Variants in CMSS1 observed in about 807,000 individuals in gnomAD.
CMSS1 encodes protein CMSS1.
In CMSS1, 33 loss-of-function variants were observed where a neutral mutation model predicts 43.5. The observed-to-expected ratio is 0.76, with a 90% CI of 0.57 to 1.01. CMSS1 has a LOEUF of 1.01. Ranked by LOEUF, CMSS1 falls within the 50% of genes least tolerant of loss-of-function variation. The probability of loss-of-function intolerance (pLI) is 0.00; values close to 1 mark genes in which losing one functional copy is unlikely to be tolerated. For missense variants in CMSS1, 313 were observed against 326.4 expected, an observed-to-expected ratio of 0.96 and a Z score of 0.32; for synonymous variants, 115 against 117.2, an observed-to-expected ratio of 0.98 and a Z score of 0.12.
chr3:99,871,146 C>T (rs1254118376), intron 1 of CMSS1, among the ~76,000 whole-genome samples: 2 of 152,208 alleles, frequency 1.3e-5, no homozygotes, highest in African/African-American at 2.4e-5. Context: ...CTGAGCCTAA[C>T]TTGGTTTCTA....
chr3:99,911,881 G>C (rs574593006), intron 1 of CMSS1, among the ~76,000 whole-genome samples: 1 of 152,050 alleles, frequency 6.6e-6, no homozygotes, highest in Admixed American at 6.5e-5. Flanking sequence ...TGAAAGAATG[G>C]ATAACAAATA....
chr3:100,035,386 G>A (rs1390293287), intron 1 of CMSS1, among the ~76,000 whole-genome samples: 7 of 152,088 alleles, frequency 4.6e-5, no homozygotes, highest in Admixed American at 2.0e-4. Context: ...CAATTCTCCT[G>A]CCTCAGCCTC....
intron 1 of CMSS1, among the ~76,000 whole-genome samples, chr3:100,141,348 T>G (rs1407403509): frequency 6.6e-6 from 1 of 152,204 alleles, no homozygotes; most frequent in Non-Finnish European, 1.5e-5. Context: ...GCAACTAGCT[T>G]CCTCTAAATG....
chr3:99,861,473 C>T (rs1465707759), intron 1 of CMSS1, among the ~76,000 whole-genome samples: 2 of 152,204 alleles, frequency 1.3e-5, no homozygotes, highest in Non-Finnish European at 2.9e-5. Flanking sequence ...TGATGGTGCT[C>T]CTCCTGGGCT....
chr3:99,971,441 A>G (rs1708819440), intron 1 of CMSS1, among the ~76,000 whole-genome samples: 2 of 152,176 alleles, frequency 1.3e-5, no homozygotes, highest in South Asian at 4.1e-4. Context: ...TCTTTTCTAC[A>G]TGTTGAATAT....
At chr3:100,078,155 T>A (rs1453411030) in intron 1 of CMSS1, among the ~76,000 whole-genome samples, 3 of 151,980 alleles carry the variant, frequency 2.0e-5, no homozygotes, top group Admixed American at 6.6e-5. Context: ...ATCATATTGG[T>A]GCTAATATAT....
Position 100,144,954 on chromosome 3 carries a change from AG to A in CMSS1, c.65-2017del, listed in dbSNP as rs1467999524. Among the ~76,000 whole-genome samples, 13 of 152,322 alleles carry A rather than the reference AG, an allele frequency of 8.5e-5. No individual in the cohort carries two copies. In the South Asian group the frequency reaches 2.7e-3, roughly 32 times the overall value. On this transcript the variant is annotated intron_variant, in intron 1 of 9. Transcript: ENST00000421999. ...TATTTTTTTTAAATATGTAATGTCT[AG>A]GATTTTTCATTGTACTTCGCCAGAG... is the stretch of plus-strand genomic sequence containing the variant.
At chr3:100,049,201 A>G (rs1359572865) in intron 1 of CMSS1, among the ~76,000 whole-genome samples, 2 of 152,186 alleles carry the variant, frequency 1.3e-5, no homozygotes, top group Non-Finnish European at 2.9e-5. Flanking sequence ...TCTTCTCTAC[A>G]TTATAGAAAC....
At chr3:100,102,881 C>T (rs1270169837) in intron 1 of CMSS1, among the ~76,000 whole-genome samples, 1 of 152,184 alleles carries the variant, frequency 6.6e-6, no homozygotes, top group East Asian at 1.9e-4. Context: ...TGTTGCTAAG[C>T]CCTGTCATCA....
At chr3:99,953,502 A>G (rs959863665) in intron 1 of CMSS1, among the ~76,000 whole-genome samples, 1 of 152,186 alleles carries the variant, frequency 6.6e-6, no homozygotes, top group East Asian at 1.9e-4. Context: ...GGAAGGTGGC[A>G]GTTGATCTGT....
chr3:100,135,434 G>A (rs2066743715), intron 1 of CMSS1, among the ~76,000 whole-genome samples: 1 of 141,000 alleles, frequency 7.1e-6, no homozygotes, highest in Non-Finnish European at 1.5e-5. Context: ...TTGTGTGTGT[G>A]TGCATGTGTG....
intron 2 of CMSS1, among the ~76,000 whole-genome samples, chr3:100,152,247 A>C (rs1432942481): frequency 6.6e-6 from 1 of 151,460 alleles, no homozygotes; most frequent in Non-Finnish European, 1.5e-5. Context: ...TTTGCAACTG[A>C]ACAGCTAATG....
At position 100,115,575 on chromosome 3, in the gene CMSS1, G is replaced by GTCTCTGTC. The variant is rs2066555088; in HGVS notation, c.65-31393_65-31392insGTCTCTCT. Among the ~76,000 whole-genome samples the GTCTCTGTC allele has an allele frequency of 3.1e-5, 3 of 97,954 alleles. No homozygotes were observed. In the Admixed American group the frequency reaches 3.2e-4, roughly 10 times the overall value. 64.3% of individuals were successfully genotyped at this position (97,954 alleles called of 152,430 possible). On this transcript the variant is annotated intron_variant, in intron 1 of 9. Transcript: ENST00000421999. ...TTTCTCTTTCTCTCTCTCTCTCTCTGTCTCTCTCTCTCTCTCTCTCTCTCT... is the reference window on the plus strand; with the variant it reads ...TTTCTCTTTCTCTCTCTCTCTCTCTGTCTCTGTCTCTCTCTCTCTCTCTCTCTCTCTCT...
chr3:99,980,879 A>T (rs1392072311), intron 1 of CMSS1, among the ~76,000 whole-genome samples: 1 of 152,140 alleles, frequency 6.6e-6, no homozygotes, highest in Non-Finnish European at 1.5e-5. Flanking sequence ...GCTTCCTTTA[A>T]CATTATGCTA....
chr3:100,031,821 T>C (rs2065026927), intron 1 of CMSS1, among the ~76,000 whole-genome samples: 1 of 152,092 alleles, frequency 6.6e-6, no homozygotes, highest in Non-Finnish European at 1.5e-5. Context: ...AAAGCAAAAA[T>C]AGGAAATATT....
chr3:100,029,709 G>A (rs2064989846), intron 1 of CMSS1, among the ~76,000 whole-genome samples: 1 of 152,094 alleles, frequency 6.6e-6, no homozygotes, highest in Non-Finnish European at 1.5e-5. Context: ...ATTTCTGATG[G>A]TTTCTTTTTT....
intron 1 of CMSS1, among the ~76,000 whole-genome samples, chr3:99,932,875 G>GT (rs1031673650): frequency 3.2e-4 from 49 of 152,264 alleles, no homozygotes; most frequent in African/African-American, 1.2e-3. Flanking sequence ...GGGTGACAGA[G>GT]TAAGACTCTG....
intron 2 of CMSS1, among the ~76,000 whole-genome samples, chr3:100,151,163 AG>A (rs1220169487): frequency 6.6e-6 from 1 of 152,238 alleles, no homozygotes; most frequent in Non-Finnish European, 1.5e-5. Context: ...TATTGTTGAA[AG>A]AAAACAGAGC....
At chr3:99,847,881 C>G (rs1943439590) in intron 1 of CMSS1, 1 of 920,194 alleles carries the variant, frequency 1.1e-6, no homozygotes, top group Admixed American at 5.6e-5. Context: ...ATTGTACATG[C>G]AGAAATATAA....
Sources: gnomAD v4.1 joint callset for allele counts (sites outside exome capture counted in the v4.1 genomes callset) on GRCh38, gnomAD v4.1.1 for gene constraint, MANE v1.5 for transcripts, NCBI Gene and HGNC (gene_info 2026-07-23, HGNC 2026-07-21) for gene names.